Variants in ODF2 observed in about 807,000 individuals in gnomAD.
ODF2 encodes outer dense fiber of sperm tails 2, also known as outer dense fiber protein 2.
A neutral mutation model predicts 110.2 loss-of-function variants in ODF2; 47 were observed. The ratio of observed to expected loss-of-function variants is 0.43; its 90% CI spans 0.34 to 0.54. ODF2 has a LOEUF of 0.54. Among genes scored for constraint, ODF2 ranks in the 20% least tolerant of loss-of-function variants. The pLI is 0.03. For synonymous variants in ODF2, 352 were observed against 397.7 expected (o/e 0.89, Z 1.37); for missense variants, 812 against 1,054.5 (o/e 0.77, Z 3.19).
intron 18 of ODF2, among the ~76,000 whole-genome samples, chr9:128,496,599 A>G (rs567831440): frequency 6.6e-6 from 1 of 152,382 alleles, no homozygotes; most frequent in South Asian, 2.1e-4. Flanking sequence ...TGGGAATCAG[A>G]AGCCCTGGCC....
intron 19 of ODF2, 60 bp from the exon 20 acceptor site, chr9:128,498,939 CTT>C (rs1403256485): frequency 1.2e-6 from 2 of 1,605,690 alleles, no homozygotes; most frequent in Admixed American, 3.4e-5. Context: ...CCAGCCTTCT[CTT>C]TGCCAAGTGT....
rs536505991 is a variant in ODF2 at position 128,485,817 on chromosome 9, T to C, written c.1400+343T>C. 5.3e-5 allele frequency among the ~76,000 whole-genome samples: 8 copies of C among 152,216 alleles called. No homozygotes were observed. Among genetic ancestry groups the C allele is most frequent in the Non-Finnish European group, 7.4e-5 (5 of 68,000 alleles). ...GGGCACCGTGGTGTCCTCATTCCTA[T>C]TGGGGAATGGGGCAGATGGTGACCC... On this transcript the variant is annotated intron_variant, in intron 13 of 20. Coordinates refer to ENST00000604420, the Ensembl canonical transcript of ODF2. This position sits in a 1 kb window ranked among gnomAD's most constrained non-coding sequence, Gnocchi z 5.0.
At chr9:128,456,488 A>T (rs560238201) in intron 1 of ODF2, 1 of 1,524,258 alleles carries the variant, frequency 6.6e-7, no homozygotes, top group Non-Finnish European at 8.8e-7. Context: ...TCTCTTGGCT[A>T]CCACGGGGCT....
At chr9:128,460,095 C>G (rs1299388900) in intron 3 of ODF2, 2 of 1,256,542 alleles carry the variant, frequency 1.6e-6, no homozygotes, top group Non-Finnish European at 2.1e-6. Context: ...GATCTGCCTG[C>G]TCTCTGATTT....
intron 4 of ODF2, among the ~76,000 whole-genome samples, chr9:128,466,188 G>A (rs1184897002): frequency 6.8e-6 from 1 of 147,184 alleles, no homozygotes; most frequent in East Asian, 2.1e-4. Flanking sequence ...AGGACTGGCC[G>A]GGCCTGGTGT....
At chr9:128,499,820 T>C (rs754616337) in intron 20 of ODF2, among the ~76,000 whole-genome samples, 18 of 152,126 alleles carry the variant, frequency 1.2e-4, no homozygotes, top group Non-Finnish European at 2.4e-4. Flanking sequence ...ATGTTGCCCA[T>C]GCTGGTCTTG....
chr9:128,482,896 C>CT lies in ODF2; in HGVS notation c.987+28dup, dbSNP rs11290748. The CT allele has an allele frequency of 8.0e-3, 10,603 of 1,317,184 alleles. 2 individuals carry two copies. The highest frequency in any genetic ancestry group is 0.013 in the African/African-American group (819 of 61,782). The allele number at this position is 1,317,184 out of a possible 1,614,324, so 81.6% of individuals were successfully genotyped here. On this transcript the variant is annotated intron_variant, in intron 10 of 20. Coordinates refer to ENST00000604420, the Ensembl canonical transcript of ODF2. ...AAATACAATGTGAGAAGGTAGTGTG[C>CT]TTTTTTTTTTTTTTTTTTTAGACGG...
chr9:128,456,123 G>C (rs1440402295), upstream of ODF2: 1 of 1,547,886 alleles, frequency 6.5e-7, no homozygotes, highest in Middle Eastern at 1.7e-4. Flanking sequence ...TGTCGGAAAA[G>C]GAGGCGGAAG....
In ODF2 at chr9:128,471,366, A is replaced by T. The variant is rs1319205665; in HGVS notation, c.479A>T (p.Glu160Val). ...AAAAGGTTCCTGGAGGAACGGAAGG[A>T]AGAGCTGGAGGAGGTGGCCCACGAA... Residue 160 changes from glutamate (E) to valine (V), a missense_variant, in exon 6 of 21, where the codon GAA becomes GTA. This residue lies in a region of ODF2 where 219 missense variants were observed against 321.3 expected (regional missense o/e 0.68). Transcript: ENST00000604420. 9 of 1,613,504 alleles carry T rather than the reference A, an allele frequency of 5.6e-6. 1 individual carries two copies. The South Asian group carries it at 9.9e-5, about 18-fold the overall frequency.
chr9:128,463,135 G>A (rs1836939217), intron 4 of ODF2, among the ~76,000 whole-genome samples: 1 of 152,034 alleles, frequency 6.6e-6, no homozygotes, highest in Non-Finnish European at 1.5e-5. Flanking sequence ...GGTGGCATGC[G>A]CTTGTAATTC....
chr9:128,457,024 G>T, intron 1 of ODF2: 1 of 1,272,588 alleles, frequency 7.9e-7, no homozygotes, highest in Non-Finnish European at 1.0e-6. Context: ...GTTCTCACCC[G>T]CCCTCTCCGC....
intron 8 of ODF2, among the ~76,000 whole-genome samples, chr9:128,477,418 A>C (rs1054977854): frequency 3.3e-5 from 5 of 150,562 alleles, no homozygotes; most frequent in African/African-American, 1.2e-4. Context: ...GTGTGGTGGC[A>C]CACACCTATA....
rs558208223 is a variant in ODF2, at chr9:128,469,478, C to G, written c.420+125C>G. Reference sequence around the variant, plus strand: ...TTCAGGCCTCCTCTGCAGGGTTGCCCCGGGCTTCAGTTGCCTGCCCCGGGA... The same window carrying G: ...TTCAGGCCTCCTCTGCAGGGTTGCCGCGGGCTTCAGTTGCCTGCCCCGGGA... On this transcript the variant is annotated intron_variant, in intron 5 of 20. Coordinates refer to ENST00000604420, the Ensembl canonical transcript of ODF2. The G allele has an allele frequency of 4.9e-6, 5 of 1,022,246 alleles. No individual in the cohort carries two copies. The South Asian group carries it at 7.0e-5, about 14-fold the overall frequency. 63.3% of individuals were successfully genotyped at this position (1,022,246 alleles called of 1,614,324 possible). A position where few individuals can be genotyped will look rare whatever the true frequency, so the allele number is the denominator to read the frequency against.
rs780846935 is a variant in ODF2, at chr9:128,471,441, G to T, written c.554G>T (p.Arg185Leu). Residue 185 changes from arginine (R) to leucine (L), a missense_variant, in exon 6 of 21, where the codon CGC (arginine) becomes CTC (leucine). By Grantham distance (102) the Arg-to-Leu change is moderately radical. This residue lies in a region of ODF2 where 219 missense variants were observed against 321.3 expected (regional missense o/e 0.68). Coordinates refer to ENST00000604420, the Ensembl canonical transcript of ODF2. ...ACGGTGTTGAGGCACAACATCGAGC[G>T]CATGAAGGAGGAGAAGGACTTCACC... is the stretch of plus-strand genomic sequence containing the variant. 93 of 1,613,374 alleles carry T rather than the reference G, an allele frequency of 5.8e-5. No individual in the cohort carries two copies. Among genetic ancestry groups the T allele is most frequent in the Non-Finnish European group, 7.5e-5 (88 of 1,179,718 alleles).
chr9:128,489,001 C>T (rs969565664), intron 14 of ODF2, among the ~76,000 whole-genome samples: 2 of 152,000 alleles, frequency 1.3e-5, no homozygotes, highest in Non-Finnish European at 2.9e-5. Context: ...AGCGAAACTC[C>T]GTCTCAAAAG....
At chr9:128,456,964 G>C in intron 1 of ODF2, 3 of 1,234,764 alleles carry the variant, frequency 2.4e-6, no homozygotes, top group Non-Finnish European at 3.1e-6. Flanking sequence ...CAGCATCCCC[G>C]CGGCTCCCTG....
chr9:128,491,930 G>A (rs983899757), intron 14 of ODF2, among the ~76,000 whole-genome samples: 5 of 144,016 alleles, frequency 3.5e-5, no homozygotes, highest in African/African-American at 1.0e-4. Context: ...GCAGGGGCAC[G>A]ATCTCACCTT....
intron 18 of ODF2, 65 bp downstream of exon 18, chr9:128,496,206 G>A: frequency 6.2e-7 from 1 of 1,606,344 alleles, no homozygotes; most frequent in Non-Finnish European, 8.5e-7. Flanking sequence ...CCACTTAGCT[G>A]TTTTTTGCTT....
chr9:128,465,466 G>C (rs903339654), intron 4 of ODF2, among the ~76,000 whole-genome samples: 6 of 152,302 alleles, frequency 3.9e-5, no homozygotes, highest in Admixed American at 3.9e-4. Flanking sequence ...TGATCAGCCG[G>C]GCGCGGTGGC....
Sources: gnomAD v4.1 joint callset for allele counts (sites outside exome capture counted in the v4.1 genomes callset) on GRCh38, gnomAD v4.1.1 for gene constraint, gnomAD v4.1.1 regional missense constraint, Gnocchi (gnomAD v3.1) non-coding constraint, MANE v1.5 for transcripts, NCBI Gene and HGNC (gene_info 2026-07-23, HGNC 2026-07-21) for gene names.